The following SPTB variants were observed in gnomAD, a reference collection of about 807,000 sequenced individuals.
SPTB encodes spectrin beta, erythrocytic, also known as spectrin beta chain, erythrocytic.
Under a neutral mutation model 256.2 loss-of-function variants are expected in SPTB, and 45 were observed. The observed-to-expected ratio is 0.18, with a 90% CI of 0.14 to 0.23. The LOEUF (loss-of-function observed/expected upper bound fraction) is 0.23. Among genes scored for constraint, SPTB ranks in the 10% least tolerant of loss-of-function variants. SPTB has a pLI of 1.00. For synonymous variants in SPTB, 1,231 were observed against 1,243.1 expected (o/e 0.99, Z 0.21); for missense variants, 2,715 against 3,040.4 (o/e 0.89, Z 2.52).
At chr14:64,814,828 T>C (rs1007424870) in intron 2 of SPTB, among the ~76,000 whole-genome samples, 5 of 152,246 alleles carry the variant, frequency 3.3e-5, no homozygotes, top group Non-Finnish European at 7.3e-5. Flanking sequence ...TTAGATAAAA[T>C]AGGATCTTTA....
At chr14:64,769,834 C>T (rs987549288) in intron 27 of SPTB, 106 bp from the exon 28 acceptor site, 100 of 1,499,368 alleles carry the variant, frequency 6.7e-5, no homozygotes, top group Admixed American at 4.7e-4. Context: ...GGAGTGTGAC[C>T]GTGCTCCCTC....
In SPTB at chr14:64,749,941, A is replaced by G; in HGVS notation, c.6776+40T>C. 3.1e-6 allele frequency: 5 copies of G among 1,613,944 alleles called. No homozygotes were observed. The highest frequency in any genetic ancestry group is 4.2e-6 in the Non-Finnish European group (5 of 1,179,864). ...CTGCCCTGCCACTAATGCCAAATCA[A>G]GCCATCAACCCGAGCTTTCAAAGGC... is the stretch of plus-strand genomic sequence containing the variant. On this transcript the variant is annotated intron_variant, in intron 34 of 35. Coordinates refer to ENST00000644917, the MANE Select transcript of SPTB (RefSeq NM_001355436.2). This position sits in a 1 kb window ranked among gnomAD's most constrained non-coding sequence, Gnocchi z 4.7.
intron 1 of SPTB, among the ~76,000 whole-genome samples, chr14:64,851,887 G>A (rs982391442): frequency 6.6e-6 from 1 of 152,002 alleles, no homozygotes; most frequent in African/African-American, 2.4e-5. Context: ...GGGAGGGAGA[G>A]CTAAAGGAAA....
chr14:64,794,641 G>C, intron 12 of SPTB, 24 bp from the exon 13 acceptor site: 1 of 1,611,402 alleles, frequency 6.2e-7, no homozygotes, highest in Non-Finnish European at 8.5e-7. Flanking sequence ...CAGCAGAAAG[G>C]AAATGAGGAG....
chr14:64,760,978 A>G lies in SPTB; in HGVS notation c.6345+5748T>C, dbSNP rs2082085649. ...CTGCCCGATGGGGTTCACAGTCTAA[A>G]TGAGATGATCCTGGCTTATGCAAAA... On this transcript the variant is annotated intron_variant, in intron 32 of 35. Coordinates refer to ENST00000644917, the MANE Select transcript of SPTB (RefSeq NM_001355436.2). This position sits in a 1 kb window ranked among gnomAD's most constrained non-coding sequence, Gnocchi z 4.3. Among the ~76,000 whole-genome samples, 1 of 152,210 alleles carries G rather than the reference A, an allele frequency of 6.6e-6. No homozygotes were observed. The highest frequency in any genetic ancestry group is 1.5e-5 in the Non-Finnish European group (1 of 68,028).
chr14:64,809,377 G>A (rs1312940634), intron 2 of SPTB, among the ~76,000 whole-genome samples: 3 of 151,528 alleles, frequency 2.0e-5, no homozygotes, highest in African/African-American at 4.8e-5. Flanking sequence ...ATGGAGTCTC[G>A]CTCTGTTGCC....
Position 64,764,471 on chromosome 14 carries a change from C to T in SPTB, c.6345+2255G>A, listed in dbSNP as rs1238843689. Among the ~76,000 whole-genome samples, 10 of 152,130 alleles carry T rather than the reference C, an allele frequency of 6.6e-5. No homozygotes were observed. Among genetic ancestry groups the T allele is most frequent in the African/African-American group, 2.4e-4 (10 of 41,364 alleles). Reference sequence around the variant, plus strand: ...GGTACCGGGCACAAGCCAGTCTTCCCATCTGCTGGAGTGGCTGGCTCTCCG... The same window carrying T: ...GGTACCGGGCACAAGCCAGTCTTCCTATCTGCTGGAGTGGCTGGCTCTCCG... On this transcript the variant is annotated intron_variant, in intron 32 of 35. Coordinates refer to ENST00000644917, the MANE Select transcript of SPTB (RefSeq NM_001355436.2). The surrounding 1 kb of genome is among the most constrained non-coding windows in gnomAD (Gnocchi z 4.2).
intron 1 of SPTB, among the ~76,000 whole-genome samples, chr14:64,856,665 G>C (rs1474122692): frequency 6.6e-6 from 1 of 152,206 alleles, no homozygotes; most frequent in Non-Finnish European, 1.5e-5. Context: ...ATTCATTAAC[G>C]CCTCCCAGGC....
chr14:64,787,670 G>GGAAGA (rs2082598286), intron 15 of SPTB, among the ~76,000 whole-genome samples: 1 of 152,212 alleles, frequency 6.6e-6, no homozygotes, highest in East Asian at 1.9e-4. Context: ...AAAAAGAAGA[G>GGAAGA]GAAGAAGAGG....
Position 64,785,467 on chromosome 14 carries a change from C to T in SPTB, c.3855+70G>A. The stretch of plus-strand genomic sequence containing the variant: ...GCTAGAAAGGATCCCTGTGGACTTC[C>T]TGCCTTGAGGGAACTCTGCTTCTAG... On this transcript the variant is annotated intron_variant, in intron 18 of 35. Coordinates refer to ENST00000644917, the MANE Select transcript of SPTB (RefSeq NM_001355436.2). The surrounding 1 kb of genome is among the most constrained non-coding windows in gnomAD (Gnocchi z 4.4). 3 of 1,420,606 alleles carry T rather than the reference C, an allele frequency of 2.1e-6. No individual in the cohort carries two copies. Among genetic ancestry groups the T allele is most frequent in the Admixed American group, 3.9e-5 (2 of 51,300 alleles). The allele number at this position is 1,420,606 out of a possible 1,614,324, so 88.0% of individuals were successfully genotyped here.
In SPTB at chr14:64,795,528, C is replaced by T; in HGVS notation, c.1453G>A (p.Ala485Thr). Residue 485 changes from alanine (A) to threonine (T), a missense_variant, in exon 12 of 36, where the codon GCT becomes ACT. Around this residue, in one of 4 missense-constraint regions of SPTB, gnomAD observed 416 missense variants for 571.1 expected, o/e 0.73. Coordinates refer to ENST00000644917, the MANE Select transcript of SPTB (RefSeq NM_001355436.2). This position sits in a 1 kb window ranked among gnomAD's most constrained non-coding sequence, Gnocchi z 6.5. ...EERVRALEDL[A>T]QELEKENYHD... ...TAGTTCTCTTTCTCCAGCTCCTGAG[C>T]CAGGTCCTCCAGGGCTCTCACCCGC... The T allele has an allele frequency of 6.2e-7, 1 of 1,614,174 alleles. No homozygotes were observed. Among genetic ancestry groups the T allele is most frequent in the South Asian group, 1.1e-5 (1 of 91,068 alleles).
Position 64,787,120 on chromosome 14 carries a change from C to A in SPTB, c.2845G>T (p.Ala949Ser). ...TGCACTCGGAGGGCTGAGTCCACAG[C>A]CTCCCGCCGCTCCGACACCAGGGTC... The part of the protein sequence containing the change: ...FQTLVSERRE[A>S]VDSALRVHNY... Residue 949 changes from alanine to serine, a missense_variant, in exon 16 of 36, where the codon GCT becomes TCT. Ala to Ser is a moderately conservative substitution (Grantham distance 99, BLOSUM62 1). This residue lies in a region of SPTB where 2,239 missense variants were observed against 2,384.4 expected (regional missense o/e 0.94). Transcript: ENST00000644917. 2 of 1,603,908 alleles carry A rather than the reference C, an allele frequency of 1.2e-6. No individual in the cohort carries two copies. The highest frequency in any genetic ancestry group is 1.7e-6 in the Non-Finnish European group (2 of 1,179,880).
intron 2 of SPTB, among the ~76,000 whole-genome samples, chr14:64,813,998 C>T (rs2139671298): frequency 6.6e-6 from 1 of 152,348 alleles, no homozygotes; most frequent in East Asian, 1.9e-4. Flanking sequence ...TCCTTTCAGC[C>T]AACTTTCATC....
chr14:64,856,152 G>A (rs1441361811), intron 1 of SPTB, among the ~76,000 whole-genome samples: 1 of 152,260 alleles, frequency 6.6e-6, no homozygotes, highest in East Asian at 1.9e-4. Flanking sequence ...GCTGGGTTCT[G>A]TAGCTCCTGC....
intron 1 of SPTB, among the ~76,000 whole-genome samples, chr14:64,829,462 C>G (rs1473736638): frequency 6.6e-6 from 1 of 152,164 alleles, no homozygotes; most frequent in Non-Finnish European, 1.5e-5. Context: ...ATCTGAATTA[C>G]AGACTCAATA....
chr14:64,774,986 G>A, intron 23 of SPTB, 139 bp downstream of exon 23: 2 of 1,223,730 alleles, frequency 1.6e-6, no homozygotes, highest in Non-Finnish European at 2.4e-6. Context: ...GGGAGGGCAG[G>A]GAGTCTGTGG....
At chr14:64,831,010 G>A (rs538799516) in intron 1 of SPTB, among the ~76,000 whole-genome samples, 2 of 152,134 alleles carry the variant, frequency 1.3e-5, no homozygotes, top group Non-Finnish European at 2.9e-5. Context: ...GAATCTGAGT[G>A]AGGTTGCCTT....
intron 20 of SPTB, 83 bp downstream of exon 20, chr14:64,782,207 C>T (rs901718354): frequency 1.2e-6 from 2 of 1,603,282 alleles, no homozygotes; most frequent in East Asian, 4.5e-5. Flanking sequence ...ACCCCCAAAC[C>T]TAAAATTAAA....
chr14:64,817,264 T>G (rs945492001), intron 2 of SPTB, among the ~76,000 whole-genome samples: 13 of 152,308 alleles, frequency 8.5e-5, no homozygotes, highest in African/African-American at 2.6e-4. Flanking sequence ...CTACACTGTG[T>G]CCTGCCTGGG....
Sources: allele counts gnomAD v4.1 joint callset (sites outside exome capture counted in the v4.1 genomes callset), GRCh38; gene constraint gnomAD v4.1.1; regional missense constraint gnomAD v4.1.1; non-coding constraint Gnocchi (gnomAD v3.1); transcripts MANE v1.5; gene names NCBI Gene and HGNC (gene_info 2026-07-23, HGNC 2026-07-21).